PPME1: variants seen among roughly 807,000 people sequenced by gnomAD.
PPME1 encodes the protein testicular secretory protein Li 39.
PPME1 carries 17 observed loss-of-function variants against 56.9 expected under a neutral mutation model. That is an observed-to-expected ratio of 0.30 (90% confidence interval 0.20 to 0.45). The LOEUF (loss-of-function observed/expected upper bound fraction) is 0.45. Among genes scored for constraint, PPME1 ranks in the 20% least tolerant of loss-of-function variants. PPME1 has a pLI of 1.00. For missense variants in PPME1, 357 were observed against 483.2 expected, an observed-to-expected ratio of 0.74 and a Z score of 2.45; for synonymous variants, 122 against 156.2, an observed-to-expected ratio of 0.78 and a Z score of 1.63.
chr11:74,253,695 C>A lies in PPME1; in HGVS notation c.*185C>A. 2 of 677,884 alleles carry A rather than the reference C, an allele frequency of 3.0e-6. No individual in the cohort carries two copies. The highest frequency in any genetic ancestry group is 2.6e-6 in the Non-Finnish European group (1 of 391,210). The allele number at this position is 677,884 out of a possible 1,614,324, so 42.0% of individuals were successfully genotyped here. A position where few individuals can be genotyped will look rare whatever the true frequency, so the allele number is the denominator to read the frequency against. ...CTGCCAAAAGCATTGTTTTCCAGGG[C>A]CCTTGACCAACATCGGCTTCCCCAG... is the stretch of plus-strand genomic sequence containing the variant. On this transcript the variant is annotated 3_prime_UTR_variant, in exon 14 of 14. Transcript: ENST00000328257.
At chr11:74,190,563 A>G (rs1418196695) in intron 1 of PPME1, among the ~76,000 whole-genome samples, 2 of 152,200 alleles carry the variant, frequency 1.3e-5, no homozygotes, top group African/African-American at 2.4e-5. Context: ...TTCTTTATCA[A>G]TTACCCAGCC....
At chr11:74,220,697 A>T (rs1181765166) in intron 3 of PPME1, among the ~76,000 whole-genome samples, 2 of 152,238 alleles carry the variant, frequency 1.3e-5, no homozygotes, top group Non-Finnish European at 2.9e-5. Context: ...ACATAGATTT[A>T]GTAGACATTA....
At chr11:74,187,967 C>G (rs997578264) in intron 1 of PPME1, among the ~76,000 whole-genome samples, 8 of 152,112 alleles carry the variant, frequency 5.3e-5, no homozygotes, top group Admixed American at 5.2e-4. Flanking sequence ...CAAGTCAGAG[C>G]CTGAGAGATT....
At chr11:74,229,290 T>A (rs78540699) in intron 5 of PPME1, among the ~76,000 whole-genome samples, 7,412 of 152,144 alleles carry the variant, frequency 0.049, 566 homozygotes, top group African/African-American at 0.17. Context: ...CTTTTGAAGT[T>A]GAACCAGCCA....
chr11:74,187,768 C>G (rs1254152137), intron 1 of PPME1, among the ~76,000 whole-genome samples: 2 of 152,124 alleles, frequency 1.3e-5, no homozygotes, highest in Non-Finnish European at 2.9e-5. Flanking sequence ...TAACAACATC[C>G]CCAGGATGCT....
chr11:74,185,639 T>C (rs2848558), intron 1 of PPME1, among the ~76,000 whole-genome samples: 1 of 151,076 alleles, frequency 6.6e-6, no homozygotes, highest in South Asian at 2.1e-4. Flanking sequence ...TTAGAAAAGT[T>C]GTCATTATAT....
chr11:74,180,636 T>C (rs1857507533), intron 1 of PPME1, among the ~76,000 whole-genome samples: 1 of 152,236 alleles, frequency 6.6e-6, no homozygotes, highest in Non-Finnish European at 1.5e-5. Context: ...AATAGGCTTG[T>C]AATAGGTCTC....
At chr11:74,184,765 G>A (rs1857628357) in intron 1 of PPME1, among the ~76,000 whole-genome samples, 1 of 152,054 alleles carries the variant, frequency 6.6e-6, no homozygotes, top group Admixed American at 6.6e-5. Context: ...CCCTGCATGA[G>A]CTCTTTGAAG....
At chr11:74,203,864 G>A in intron 2 of PPME1, 43 bp downstream of exon 2, 7 of 1,382,016 alleles carry the variant, frequency 5.1e-6, no homozygotes, top group Non-Finnish European at 7.0e-6. Flanking sequence ...AGCTTATGAT[G>A]TTGTCTAAGT....
In PPME1 at chr11:74,204,406, T is replaced by G. The variant is rs777214061; in HGVS notation, c.249T>G (p.His83Gln). 1.2e-6 allele frequency: 2 copies of G among 1,613,600 alleles called. No individual in the cohort carries two copies. Among genetic ancestry groups the G allele is most frequent in the Admixed American group, 3.3e-5 (2 of 59,990 alleles). ...GSEGPVLLLLHGGGHSALSWA... is the reference protein window; with the variant it reads ...GSEGPVLLLLQGGGHSALSWA... ...AGGGTCCAGTCCTGCTCCTTCTGCA[T>G]GGAGGAGGTCATTCTGCCCTTTCTT... The change falls in exon 3 of 14, where the codon CAT (histidine) becomes CAG (glutamine). Residue 83 changes from histidine (H) to glutamine (Q), a missense_variant. By Grantham distance (24) the His-to-Gln change is conservative. This residue lies in a region of PPME1 where 175 missense variants were observed against 189.4 expected (regional missense o/e 0.92). Transcript: ENST00000328257.
intron 3 of PPME1, among the ~76,000 whole-genome samples, chr11:74,218,169 C>T (rs924934619): frequency 6.6e-6 from 1 of 151,940 alleles, no homozygotes; most frequent in Non-Finnish European, 1.5e-5. Context: ...ACCCTATTTA[C>T]AGTAGCTACA....
At chr11:74,232,674 CTTT>C (rs1216584605) in intron 7 of PPME1, among the ~76,000 whole-genome samples, 10 of 134,390 alleles carry the variant, frequency 7.4e-5, no homozygotes, top group Non-Finnish European at 1.1e-4. Flanking sequence ...TTTATCCAAA[CTTT>C]TTTTTTTTTT....
At chr11:74,219,067 G>A (rs551862049) in intron 3 of PPME1, among the ~76,000 whole-genome samples, 43 of 151,944 alleles carry the variant, frequency 2.8e-4, no homozygotes, top group Non-Finnish European at 5.9e-4. Flanking sequence ...TTTTAAAATG[G>A]GCAAAAGATC....
chr11:74,239,112 C>T, intron 8 of PPME1, 21 bp from the exon 9 acceptor site: 1 of 1,605,552 alleles, frequency 6.2e-7, no homozygotes. Context: ...TGTGTAATAG[C>T]ACTTTTTTAA....
At chr11:74,209,506 C>T (rs1013401506) in intron 3 of PPME1, among the ~76,000 whole-genome samples, 6 of 152,186 alleles carry the variant, frequency 3.9e-5, no homozygotes, top group Non-Finnish European at 7.3e-5. Context: ...TTTTGCTTGA[C>T]ACACATTCAC....
Position 74,222,299 on chromosome 11 carries a change from CT to C in PPME1, c.289-8del. The C allele has an allele frequency of 1.9e-6, 3 of 1,602,650 alleles. No homozygotes were observed. Among genetic ancestry groups the C allele is most frequent in the East Asian group, 2.2e-5 (1 of 44,772 alleles). On this transcript the variant is annotated splice_polypyrimidine_tract_variant and intron_variant, in intron 3 of 13. Transcript: ENST00000328257. ...CCTAGATGTGTCTTAACTACTTTTC[CT>C]TTTTCTCCTAGGCAGCGATTATTAG...
At chr11:74,205,959 A>C (rs929622834) in intron 3 of PPME1, 1 of 152,200 alleles carries the variant, frequency 6.6e-6, no homozygotes, top group African/African-American at 2.4e-5. Flanking sequence ...TGTATCCACA[A>C]TATCACTTCA....
intron 11 of PPME1, 120 bp from the exon 12 acceptor site, chr11:74,250,834 A>C (rs187267930): frequency 1.3e-6 from 1 of 757,404 alleles, no homozygotes; most frequent in Non-Finnish European, 2.3e-6. Flanking sequence ...TTGGGTCCAG[A>C]GTATTGAGGT....
chr11:74,179,266 ACC>A (rs1287972616), intron 1 of PPME1, among the ~76,000 whole-genome samples: 1 of 152,186 alleles, frequency 6.6e-6, no homozygotes, highest in African/African-American at 2.4e-5. Flanking sequence ...ACGCTTTGGC[ACC>A]TGACGTACTT....
Sources: allele counts gnomAD v4.1 joint callset (sites outside exome capture counted in the v4.1 genomes callset), GRCh38; gene constraint gnomAD v4.1.1; regional missense constraint gnomAD v4.1.1; transcripts MANE v1.5; gene names NCBI Gene and HGNC (gene_info 2026-07-23, HGNC 2026-07-21).